The following LINGO2 variants were observed in gnomAD, a reference collection of about 807,000 sequenced individuals.
LINGO2 encodes leucine rich repeat and Ig domain containing 2.
LINGO2 carries 14 observed loss-of-function variants against 30.6 expected under a neutral mutation model. The ratio of observed to expected loss-of-function variants is 0.46; its 90% CI spans 0.30 to 0.72. The LOEUF is 0.72. Ranked by LOEUF, LINGO2 falls within the 30% of genes least tolerant of loss-of-function variation. LINGO2 has a pLI of 0.07. For synonymous variants in LINGO2, 317 were observed against 288.5 expected (o/e 1.10, Z -1.00); for missense variants, 729 against 751.7 (o/e 0.97, Z 0.35).
intron 5 of LINGO2, among the ~76,000 whole-genome samples, chr9:27,958,753 G>A (rs539797191): frequency 6.7e-5 from 10 of 150,138 alleles, no homozygotes; most frequent in Admixed American, 1.3e-4. Flanking sequence ...AACTTGGAAC[G>A]TATACCCTGT....
chr9:28,174,590 C>T (rs142021795), intron 4 of LINGO2, among the ~76,000 whole-genome samples: 24 of 152,216 alleles, frequency 1.6e-4, no homozygotes, highest in Non-Finnish European at 2.9e-4. Context: ...TTAGACATAA[C>T]CACATATAGG....
At chr9:27,974,236 G>A (rs888195493) in intron 5 of LINGO2, among the ~76,000 whole-genome samples, 1 of 152,160 alleles carries the variant, frequency 6.6e-6, no homozygotes, top group Non-Finnish European at 1.5e-5. Flanking sequence ...AGGGGTTCAG[G>A]AGAGATGTTA....
At chr9:28,274,628 C>A (rs1418618439) in intron 4 of LINGO2, among the ~76,000 whole-genome samples, 2 of 152,296 alleles carry the variant, frequency 1.3e-5, no homozygotes, top group African/African-American at 2.4e-5. Context: ...TCTTTGTAGG[C>A]TATTCTTGCT....
At chr9:28,849,689 T>G in the LINGO2 span, among the ~76,000 whole-genome samples, 1 of 151,936 alleles carries the variant, frequency 6.6e-6, no homozygotes, top group South Asian at 2.1e-4. Context: ...TACCGAGCTT[T>G]GCAATATTCC....
Position 28,243,301 on chromosome 9 carries a change from T to C in LINGO2, c.-87+51907A>G, listed in dbSNP as rs147923368. Reference sequence around the variant, plus strand: ...GTGAAACCCCATCTGTACTAAAAAATACAAAAAAATTAACCGGGTGTGGTG... The same window carrying C: ...GTGAAACCCCATCTGTACTAAAAAACACAAAAAAATTAACCGGGTGTGGTG... On this transcript the variant is annotated intron_variant, in intron 4 of 5. Transcript: ENST00000379992. Among the ~76,000 whole-genome samples, 936 of 151,464 alleles carry C rather than the reference T, an allele frequency of 6.2e-3. 8 individuals are homozygous for C. The highest frequency in any genetic ancestry group is 0.022 in the African/African-American group (892 of 41,330).
chr9:27,976,545 C>T (rs914541737), intron 5 of LINGO2, among the ~76,000 whole-genome samples: 19 of 152,010 alleles, frequency 1.2e-4, no homozygotes, highest in African/African-American at 4.6e-4. Context: ...TTACTCCTCA[C>T]AACAACTCTA....
chr9:28,338,549 T>C (rs1207010667), intron 3 of LINGO2, among the ~76,000 whole-genome samples: 1 of 152,070 alleles, frequency 6.6e-6, no homozygotes. Flanking sequence ...TGGCTGTGTC[T>C]CCACCCAAAT....
At chr9:28,030,845 GCAGAC>G (rs1164950630) in intron 4 of LINGO2, among the ~76,000 whole-genome samples, 1 of 113,118 alleles carries the variant, frequency 8.8e-6, no homozygotes, top group African/African-American at 3.6e-5. Flanking sequence ...AACAAAAAAA[GCAGAC>G]AAAGATTCAA....
intron 5 of LINGO2, among the ~76,000 whole-genome samples, chr9:27,975,821 T>G (rs1820566222): frequency 6.6e-6 from 1 of 152,158 alleles, no homozygotes. Flanking sequence ...GACACAAATT[T>G]TATTGTCTTC....
At chr9:28,779,690 G>C in the LINGO2 span, among the ~76,000 whole-genome samples, 1 of 152,028 alleles carries the variant, frequency 6.6e-6, no homozygotes, top group Non-Finnish European at 1.5e-5. Context: ...GTGAATGTAG[G>C]CCACAGTTTT....
At chr9:28,014,552 T>A (rs1290881119) in intron 4 of LINGO2, among the ~76,000 whole-genome samples, 1 of 78,030 alleles carries the variant, frequency 1.3e-5, no homozygotes, top group African/African-American at 6.2e-5. Context: ...AATTTTACTT[T>A]TTTATCCAGG....
chr9:28,302,505 C>G (rs1477728603), intron 3 of LINGO2, among the ~76,000 whole-genome samples: 1 of 152,020 alleles, frequency 6.6e-6, no homozygotes, highest in Non-Finnish European at 1.5e-5. Context: ...ATGGTGAAAC[C>G]CTCTCCCTAC....
chr9:28,809,220 G>A, the LINGO2 span, among the ~76,000 whole-genome samples: 1 of 152,178 alleles, frequency 6.6e-6, no homozygotes, highest in Non-Finnish European at 1.5e-5. Flanking sequence ...ATGTACCAAA[G>A]TTCTTAATAG....
intron 4 of LINGO2, among the ~76,000 whole-genome samples, chr9:28,279,511 AC>A (rs904008632): frequency 6.6e-6 from 1 of 152,170 alleles, no homozygotes; most frequent in Non-Finnish European, 1.5e-5. Flanking sequence ...CAAACCCCCC[AC>A]CAGCAAAAAT....
At chr9:28,197,088 G>A (rs557772847) in intron 4 of LINGO2, among the ~76,000 whole-genome samples, 2 of 152,054 alleles carry the variant, frequency 1.3e-5, no homozygotes, top group African/African-American at 4.8e-5. Flanking sequence ...AAATCCTTGA[G>A]GAGATAGATA....
chr9:28,688,391 G>A, the LINGO2 span, among the ~76,000 whole-genome samples: 5 of 152,284 alleles, frequency 3.3e-5, no homozygotes, highest in African/African-American at 1.2e-4. Context: ...AAATTAGCTT[G>A]CTTGGGCACA....
At chr9:28,975,249 T>G in the LINGO2 span, among the ~76,000 whole-genome samples, 28 of 152,174 alleles carry the variant, frequency 1.8e-4, no homozygotes, top group Admixed American at 1.8e-3. Flanking sequence ...AAAACCCCCA[T>G]AATTTATAGC....
At chr9:28,428,309 G>A (rs1325556526) in intron 2 of LINGO2, among the ~76,000 whole-genome samples, 2 of 152,068 alleles carry the variant, frequency 1.3e-5, no homozygotes, top group Non-Finnish European at 1.5e-5. Flanking sequence ...TGAGGAAAGT[G>A]GTTAAGAAAA....
chr9:28,896,657 G>GC, the LINGO2 span, among the ~76,000 whole-genome samples: 1 of 151,916 alleles, frequency 6.6e-6, no homozygotes, highest in African/African-American at 2.4e-5. Context: ...ATTTATTTTA[G>GC]CAAAAAAATA....
Sources: allele counts gnomAD v4.1 joint callset (sites outside exome capture counted in the v4.1 genomes callset), GRCh38; gene constraint gnomAD v4.1.1; transcripts MANE v1.5; gene names NCBI Gene and HGNC (gene_info 2026-07-23, HGNC 2026-07-21).